The following RSPH1 variants were observed in gnomAD, a reference collection of about 807,000 sequenced individuals.
The protein encoded by RSPH1 is radial spoke head 1 homolog.
Under a neutral mutation model 44.2 loss-of-function variants are expected in RSPH1, and 32 were observed. The ratio of observed to expected loss-of-function variants is 0.72; its 90% CI spans 0.55 to 0.97. The LOEUF (loss-of-function observed/expected upper bound fraction) is 0.97, where lower values mean the gene tolerates loss of function less well. RSPH1 is among the 50% of genes least tolerant of loss of function. The pLI is 0.00. For synonymous variants in RSPH1, 134 were observed against 147.3 expected, an observed-to-expected ratio of 0.91 and a Z score of 0.65; for missense variants, 391 against 398.7, an observed-to-expected ratio of 0.98 and a Z score of 0.16.
In RSPH1 at chr21:42,475,997, C is replaced by T. The variant is rs1411484888; in HGVS notation, c.778G>A (p.Gly260Ser). The T allele has an allele frequency of 6.2e-7, 1 of 1,613,318 alleles. No homozygotes were observed. Among genetic ancestry groups the T allele is most frequent in the African/African-American group, 1.3e-5 (1 of 74,702 alleles). ...TCTCCAGGCCTCATGTCCATCTCAC[C>T]CTCGAAGCCCTCCAGCAGAGCCTGG... ...EAQALLEGFE[G>S]EMDMRPGDED... is the part of the protein sequence containing the mutation. The change falls in exon 8 of 9, where the codon GGT becomes AGT. Residue 260 changes from glycine (G) to serine (S), a missense_variant. Gly to Ser is a moderately conservative substitution (Grantham distance 56). Coordinates refer to ENST00000291536, the MANE Select transcript of RSPH1 (RefSeq NM_080860.4).
rs533883896 is a variant in RSPH1, at chr21:42,482,605, T to A, written c.573+32A>T. ...TTTTGAGCAGCTACTTCCCTGTTAA[T>A]GTAACAAAACCCTACATGCTCCGCA... On this transcript the variant is annotated intron_variant, in intron 6 of 8. Transcript: ENST00000291536. The A allele has an allele frequency of 2.5e-4, 385 of 1,527,274 alleles. 4 individuals carry two copies. The South Asian group carries it at 4.3e-3, about 17-fold the overall frequency. The allele number at this position is 1,527,274 out of a possible 1,614,324, so 94.6% of individuals were successfully genotyped here. A position where few individuals can be genotyped will look rare whatever the true frequency, so the allele number is the denominator to read the frequency against.
At chr21:42,489,029 C>CTGGT (rs200462097) in intron 3 of RSPH1, among the ~76,000 whole-genome samples, 1,608 of 150,300 alleles carry the variant, frequency 0.011, 23 homozygotes, top group African/African-American at 0.028. Flanking sequence ...TGTTGGTTAA[C>CTGGT]TGGTTGGTTG....
At chr21:42,495,933 C>A in intron 1 of RSPH1, 200 bp downstream of exon 1, 2 of 589,474 alleles carry the variant, frequency 3.4e-6, no homozygotes, top group South Asian at 2.0e-5. Flanking sequence ...GGTAACCAGA[C>A]GTCACAGCGT....
chr21:42,485,253 G>A, intron 5 of RSPH1: 5 of 171,396 alleles, frequency 2.9e-5, no homozygotes, highest in South Asian at 1.3e-4. Flanking sequence ...GGAGCTGGGG[G>A]TCTTCCTCCC....
At chr21:42,482,858 G>A (rs574621378) in intron 5 of RSPH1, 150 bp from the exon 6 acceptor site, 2 of 578,290 alleles carry the variant, frequency 3.5e-6, no homozygotes, top group East Asian at 3.0e-5. Flanking sequence ...CGTGGCTGAT[G>A]GGATTGGAAC....
intron 5 of RSPH1, among the ~76,000 whole-genome samples, chr21:42,482,970 C>T (rs1185127615): frequency 6.6e-6 from 1 of 152,118 alleles, no homozygotes; most frequent in Non-Finnish European, 1.5e-5. Context: ...AATCAGTATC[C>T]ATAGGCAAAC....
intron 8 of RSPH1, 97 bp from the exon 9 acceptor site, chr21:42,472,967 T>C (rs2054008081): frequency 3.7e-6 from 3 of 812,230 alleles, no homozygotes; most frequent in Non-Finnish European, 5.9e-6. Context: ...AAAAAAATTA[T>C]TGTAACTATT....
intron 1 of RSPH1, among the ~76,000 whole-genome samples, chr21:42,494,143 C>CATGGGT (rs2054263383): frequency 6.6e-6 from 1 of 152,196 alleles, no homozygotes; most frequent in South Asian, 2.1e-4. Context: ...GCACCTAATA[C>CATGGGT]ATGGGTATAG....
intron 1 of RSPH1, among the ~76,000 whole-genome samples, chr21:42,493,989 C>A (rs565235656): frequency 6.6e-6 from 1 of 152,290 alleles, no homozygotes; most frequent in Admixed American, 6.5e-5. Context: ...TGGACTCAAG[C>A]GATCCTTGGC....
chr21:42,477,501 T>C, intron 6 of RSPH1, 57 bp from the exon 7 acceptor site: 1 of 1,577,210 alleles, frequency 6.3e-7, no homozygotes, highest in East Asian at 2.2e-5. Flanking sequence ...TGGTCTGGAA[T>C]ATTAAAAGTG....
At chr21:42,487,993 G>A (rs952668426) in intron 3 of RSPH1, among the ~76,000 whole-genome samples, 4 of 152,222 alleles carry the variant, frequency 2.6e-5, no homozygotes, top group Non-Finnish European at 4.4e-5. Context: ...CACCTGAGCA[G>A]CAGCTGAGGA....
Position 42,477,411 on chromosome 21 carries a change from C to G in RSPH1, c.607G>C (p.Val203Leu). The G allele has an allele frequency of 6.2e-7, 1 of 1,614,136 alleles. No homozygotes were observed. The highest frequency in any genetic ancestry group is 8.5e-7 in the Non-Finnish European group (1 of 1,179,970). ...RGEEEEEEELVTVVPKWKATQ... is the reference protein window; with the variant it reads ...RGEEEEEEELLTVVPKWKATQ... ...GCTTTCCATTTTGGAACAACAGTTA[C>G]TAATTCTTCCTCCTCTTCCTCTTCT... Residue 203 changes from valine (V) to leucine (L), a missense_variant, in exon 7 of 9, where the codon GTA becomes CTA. Physicochemically the swap from Val to Leu is conservative, Grantham distance 32 (BLOSUM62 1). Coordinates refer to ENST00000291536, the MANE Select transcript of RSPH1 (RefSeq NM_080860.4).
At chr21:42,475,114 G>T (rs1002496366) in intron 8 of RSPH1, among the ~76,000 whole-genome samples, 1 of 152,116 alleles carries the variant, frequency 6.6e-6, no homozygotes, top group African/African-American at 2.4e-5. Context: ...CAAGCACTTG[G>T]GGAAAGATTT....
At chr21:42,475,567 CAAAA>C (rs549479473) in intron 8 of RSPH1, among the ~76,000 whole-genome samples, 1 of 112,138 alleles carries the variant, frequency 8.9e-6, no homozygotes, top group Non-Finnish European at 1.9e-5. Flanking sequence ...GACTCCATCT[CAAAA>C]AAAAAAAAAA....
At chr21:42,478,820 A>G (rs556043120) in intron 6 of RSPH1, among the ~76,000 whole-genome samples, 19 of 152,384 alleles carry the variant, frequency 1.2e-4, no homozygotes, top group Non-Finnish European at 1.0e-4. Flanking sequence ...AGACAAATGG[A>G]TAAGCAAGAA....
chr21:42,476,442 C>T (rs2054052153), intron 7 of RSPH1, among the ~76,000 whole-genome samples: 1 of 152,166 alleles, frequency 6.6e-6, no homozygotes, highest in Admixed American at 6.5e-5. Flanking sequence ...TCACATGAGC[C>T]AAGAAATTCT....
chr21:42,486,085 G>C, intron 4 of RSPH1: 2 of 575,890 alleles, frequency 3.5e-6, no homozygotes, highest in Non-Finnish European at 3.1e-6. Context: ...GGGAGCTGTG[G>C]CTCAGGTCCC....
intron 3 of RSPH1, among the ~76,000 whole-genome samples, chr21:42,490,752 A>C (rs1002509029): frequency 5.9e-5 from 9 of 152,216 alleles, no homozygotes; most frequent in African/African-American, 2.2e-4. Flanking sequence ...GACTCTTTTG[A>C]CCACACCTGA....
Position 42,472,757 on chromosome 21 carries a change from C to A in RSPH1, c.*61G>T. 1 of 1,321,134 alleles carries A rather than the reference C, an allele frequency of 7.6e-7. No individual in the cohort carries two copies. The highest frequency in any genetic ancestry group is 1.1e-6 in the Non-Finnish European group (1 of 920,060). 81.8% of individuals were successfully genotyped at this position (1,321,134 alleles called of 1,614,324 possible). A position where few individuals can be genotyped will look rare whatever the true frequency, so the allele number is the denominator to read the frequency against. On this transcript the variant is annotated 3_prime_UTR_variant, in exon 9 of 9. Coordinates refer to ENST00000291536, the MANE Select transcript of RSPH1 (RefSeq NM_080860.4). ...TAGCTGGAACTAGATACACACAGCA[C>A]TGCACCCGGCTAACGACAGAAGCAT...
Sources: gnomAD v4.1 joint callset for allele counts (sites outside exome capture counted in the v4.1 genomes callset) on GRCh38, gnomAD v4.1.1 for gene constraint, MANE v1.5 for transcripts, NCBI Gene and HGNC (gene_info 2026-07-23, HGNC 2026-07-21) for gene names.